The following ARHGEF3 variants were observed in gnomAD, a reference collection of about 807,000 sequenced individuals.
The protein encoded by ARHGEF3 is Rho guanine nucleotide exchange factor 3.
Under a neutral mutation model 63.2 loss-of-function variants are expected in ARHGEF3, and 28 were observed. The ratio of observed to expected loss-of-function variants is 0.44; its 90% confidence interval spans 0.33 to 0.61. The LOEUF is 0.61. Among genes scored for constraint, ARHGEF3 ranks in the 20% least tolerant of loss-of-function variants. The pLI is 0.03. For missense variants in ARHGEF3, 533 were observed against 659.3 expected (o/e 0.81, Z 2.10); for synonymous variants, 266 against 254.2 (o/e 1.05, Z -0.44).
intron 3 of ARHGEF3, among the ~76,000 whole-genome samples, chr3:56,889,204 G>C (rs957569332): frequency 1.3e-5 from 2 of 152,124 alleles, no homozygotes; most frequent in Non-Finnish European, 2.9e-5. Context: ...GCAGACATCT[G>C]AATCTCATCG....
intron 2 of ARHGEF3, among the ~76,000 whole-genome samples, chr3:57,034,257 C>G (rs1474184405): frequency 1.3e-5 from 2 of 150,118 alleles, no homozygotes; most frequent in Non-Finnish European, 3.0e-5. Context: ...CCTCAGCCTC[C>G]TGAGGAGCTG....
chr3:57,032,870 T>C (rs1375124147), intron 2 of ARHGEF3, among the ~76,000 whole-genome samples: 1 of 152,004 alleles, frequency 6.6e-6, no homozygotes, highest in Non-Finnish European at 1.5e-5. Flanking sequence ...GAAAACAACG[T>C]AGCAACCACT....
At chr3:56,859,077 AGAG>A (rs1374792050) in intron 4 of ARHGEF3, among the ~76,000 whole-genome samples, 1 of 152,196 alleles carries the variant, frequency 6.6e-6, no homozygotes. Flanking sequence ...CCGCCAGGGA[AGAG>A]TATTTTTATC....
At chr3:56,776,045 G>A (rs929552308) in intron 1 of ARHGEF3, among the ~76,000 whole-genome samples, 4 of 152,142 alleles carry the variant, frequency 2.6e-5, no homozygotes, top group Admixed American at 6.5e-5. Context: ...ATATCAGAAT[G>A]GGGAAGCTGA....
intron 4 of ARHGEF3, among the ~76,000 whole-genome samples, chr3:56,808,360 T>C (rs942899431): frequency 3.9e-5 from 6 of 152,142 alleles, no homozygotes; most frequent in African/African-American, 1.2e-4. Context: ...AGCAGGAGGA[T>C]TGCTTGAGCG....
chr3:56,806,828 A>T (rs2037877224), upstream of ARHGEF3, among the ~76,000 whole-genome samples: 1 of 146,318 alleles, frequency 6.8e-6, no homozygotes, highest in Non-Finnish European at 1.5e-5. Flanking sequence ...CAGCCTTCTC[A>T]GCCAACAGGA....
intron 1 of ARHGEF3, among the ~76,000 whole-genome samples, chr3:57,078,275 C>T (rs990554240): frequency 2.2e-4 from 34 of 152,220 alleles, no homozygotes; most frequent in Non-Finnish European, 1.0e-4. Flanking sequence ...CTGGGTAGTG[C>T]ATGGAACGCT....
chr3:56,903,036 A>C (rs2041568219), intron 3 of ARHGEF3, among the ~76,000 whole-genome samples: 1 of 151,340 alleles, frequency 6.6e-6, no homozygotes, highest in African/African-American at 2.4e-5. Flanking sequence ...AGCAGAATAC[A>C]GAATTTGCTT....
intron 2 of ARHGEF3, among the ~76,000 whole-genome samples, chr3:56,970,630 G>T (rs538047150): frequency 6.6e-6 from 1 of 152,200 alleles, no homozygotes; most frequent in Non-Finnish European, 1.5e-5. Context: ...AGCAACAGCT[G>T]GTCTGTCTTC....
intron 2 of ARHGEF3, among the ~76,000 whole-genome samples, chr3:56,967,241 T>C (rs1700540121): frequency 7.4e-6 from 1 of 134,782 alleles, no homozygotes; most frequent in African/African-American, 2.8e-5. Flanking sequence ...CTATTAGTCA[T>C]ATATATATAG....
chr3:56,926,293 G>C lies in ARHGEF3; in HGVS notation c.129+32530C>G, dbSNP rs115328431. 7.6e-4 allele frequency among the ~76,000 whole-genome samples: 115 copies of C among 152,298 alleles called. 1 individual carries two copies. The highest frequency in any genetic ancestry group is 1.3e-3 in the Non-Finnish European group (88 of 68,022). ...GTCAAGGGGTCTATGGAAGGGACAG[G>C]ATGCGAAGGCCAGGGATGAGATGCT... On this transcript the variant is annotated intron_variant, in intron 3 of 12. Coordinates refer to the ARHGEF3 transcript ENST00000338458.
intron 2 of ARHGEF3, among the ~76,000 whole-genome samples, chr3:56,965,881 C>T (rs1700474598): frequency 6.6e-6 from 1 of 151,974 alleles, no homozygotes; most frequent in African/African-American, 2.4e-5. Context: ...ATCTCCTGAC[C>T]TCATGATCCA....
rs112583047 is a variant in ARHGEF3 at position 56,927,510 on chromosome 3, A to C, written c.129+31313T>G. ...TTTTAAATATACGATATGTAACATT[A>C]TATAATATGGTAATAGTGATTTTAT... On this transcript the variant is annotated intron_variant, in intron 3 of 12. Coordinates refer to the ARHGEF3 transcript ENST00000338458. Among the ~76,000 whole-genome samples, 191 of 152,290 alleles carry C rather than the reference A, an allele frequency of 1.3e-3. 1 individual carries two copies. Among genetic ancestry groups the C allele is most frequent in the Non-Finnish European group, 2.6e-3 (174 of 68,018 alleles).
At chr3:56,967,325 T>A (rs1164014285) in intron 2 of ARHGEF3, among the ~76,000 whole-genome samples, 11 of 113,042 alleles carry the variant, frequency 9.7e-5, no homozygotes, top group East Asian at 4.5e-4. Flanking sequence ...ATATATTATA[T>A]ATTATATATT....
chr3:56,939,331 T>C (rs1247568282), intron 3 of ARHGEF3, among the ~76,000 whole-genome samples: 1 of 152,208 alleles, frequency 6.6e-6, no homozygotes, highest in Non-Finnish European at 1.5e-5. Flanking sequence ...CACCATCTCC[T>C]CTCATGCTTT....
At chr3:56,781,026 C>T (rs1158223586) in intron 1 of ARHGEF3, among the ~76,000 whole-genome samples, 1 of 152,044 alleles carries the variant, frequency 6.6e-6, no homozygotes, top group Non-Finnish European at 1.5e-5. Flanking sequence ...TAGAGTAGGC[C>T]CTAAATCTAA....
At chr3:56,997,975 T>C (rs1392402615) in intron 2 of ARHGEF3, among the ~76,000 whole-genome samples, 1 of 152,188 alleles carries the variant, frequency 6.6e-6, no homozygotes, top group African/African-American at 2.4e-5. Context: ...CTCTGTTTCC[T>C]CATCTGCAAA....
intron 4 of ARHGEF3, among the ~76,000 whole-genome samples, chr3:56,860,041 G>GAGATAGATAGATAGATAGAT (rs71072201): frequency 1.3e-5 from 2 of 150,264 alleles, no homozygotes; most frequent in Admixed American, 6.6e-5. Flanking sequence ...GGTCTCAAGA[G>GAGATAGATAGATAGATAGAT]AGATAGATAG....
intron 7 of ARHGEF3, among the ~76,000 whole-genome samples, chr3:56,742,993 C>A (rs1455560697): frequency 6.6e-6 from 1 of 152,208 alleles, no homozygotes; most frequent in African/African-American, 2.4e-5. Context: ...AGAACAGGCT[C>A]CCATGCTTCA....
Sources: gnomAD v4.1 joint callset for allele counts (sites outside exome capture counted in the v4.1 genomes callset) on GRCh38, gnomAD v4.1.1 for gene constraint, MANE v1.5 for transcripts, NCBI Gene and HGNC (gene_info 2026-07-23, HGNC 2026-07-21) for gene names.